Variants in MEIS1 observed in about 807,000 individuals in gnomAD.
The protein encoded by MEIS1 is Meis homeobox 1.
Under a neutral mutation model 50.8 loss-of-function variants are expected in MEIS1, and 5 were observed. That is an observed-to-expected ratio of 0.10 (90% CI 0.05 to 0.21). The LOEUF is 0.21. MEIS1 is among the 10% of genes least tolerant of loss of function. The probability of loss-of-function intolerance (pLI) is 1.00; values close to 1 mark genes in which losing one functional copy is unlikely to be tolerated. For missense variants in MEIS1, 318 were observed against 517.3 expected (o/e 0.61, Z 3.74); for synonymous variants, 176 against 179.3 (o/e 0.98, Z 0.15).
At chr2:66,495,511 A>C (rs1332137284) in intron 7 of MEIS1, among the ~76,000 whole-genome samples, 1 of 152,208 alleles carries the variant, frequency 6.6e-6, no homozygotes, top group Non-Finnish European at 1.5e-5. Flanking sequence ...TTTCTGGAAG[A>C]AAGAGTTCTT....
intron 9 of MEIS1, among the ~76,000 whole-genome samples, chr2:66,565,530 T>A (rs928900437): frequency 6.6e-6 from 1 of 152,102 alleles, no homozygotes; most frequent in Non-Finnish European, 1.5e-5. Flanking sequence ...GGGAGGAGGG[T>A]GCTTGCTACC....
intron 7 of MEIS1, among the ~76,000 whole-genome samples, chr2:66,473,396 AAATATATAT>A (rs1381663666): frequency 1.4e-5 from 2 of 138,326 alleles, no homozygotes; most frequent in Non-Finnish European, 3.0e-5. Flanking sequence ...AAAAAAAAAA[AAATATATAT>A]ATATATATAT....
At chr2:66,550,668 T>G (rs1674897984) in intron 9 of MEIS1, among the ~76,000 whole-genome samples, 1 of 152,030 alleles carries the variant, frequency 6.6e-6, no homozygotes, top group African/African-American at 2.4e-5. Flanking sequence ...AGTTAATTTT[T>G]TTTTCTTTTG....
At chr2:66,454,247 G>T (rs563141281) in intron 6 of MEIS1, among the ~76,000 whole-genome samples, 1 of 152,002 alleles carries the variant, frequency 6.6e-6, no homozygotes, top group Non-Finnish European at 1.5e-5. Context: ...CAGGAATTGG[G>T]TTTATGGAGG....
intron 8 of MEIS1, among the ~76,000 whole-genome samples, chr2:66,520,319 A>T (rs1050419350): frequency 1.6e-4 from 4 of 25,482 alleles, no homozygotes; most frequent in African/African-American, 3.1e-4. Context: ...CTAAAAATAA[A>T]AAAAAAAAAA....
intron 6 of MEIS1, 87 bp from the exon 7 acceptor site, chr2:66,464,022 C>G (rs1424014466): frequency 2.1e-6 from 2 of 946,180 alleles, no homozygotes; most frequent in Non-Finnish European, 3.3e-6. Flanking sequence ...CTCCAGCCCT[C>G]CATGGCTTTG....
intron 7 of MEIS1, among the ~76,000 whole-genome samples, chr2:66,510,577 C>T (rs1004273553): frequency 2.0e-5 from 3 of 151,834 alleles, no homozygotes; most frequent in African/African-American, 7.2e-5. Context: ...AAAAGTTTTG[C>T]AAAAGTTTTG....
chr2:66,441,062 T>G, intron 4 of MEIS1: 1 of 333,562 alleles, frequency 3.0e-6, no homozygotes, highest in Non-Finnish European at 5.4e-6. Flanking sequence ...TGAGGGCCAT[T>G]TGGAATATTT....
chr2:66,525,648 A>C (rs774179816), intron 8 of MEIS1, among the ~76,000 whole-genome samples: 1 of 152,236 alleles, frequency 6.6e-6, no homozygotes, highest in Non-Finnish European at 1.5e-5. Context: ...GTACTCTGAA[A>C]GCTTCTGATA....
chr2:66,447,493 A>G (rs1672181049), intron 6 of MEIS1, among the ~76,000 whole-genome samples: 1 of 152,212 alleles, frequency 6.6e-6, no homozygotes, highest in South Asian at 2.1e-4. Flanking sequence ...ATGATTAAAT[A>G]ATAAGGTGTT....
intron 9 of MEIS1, among the ~76,000 whole-genome samples, chr2:66,564,238 C>T (rs1455834822): frequency 1.3e-5 from 2 of 152,026 alleles, no homozygotes; most frequent in African/African-American, 4.8e-5. Flanking sequence ...TTAAAGGTTT[C>T]CCCCTTTGAT....
At chr2:66,496,805 C>T (rs556228535) in intron 7 of MEIS1, among the ~76,000 whole-genome samples, 121 of 152,148 alleles carry the variant, frequency 8.0e-4, no homozygotes, top group Non-Finnish European at 1.5e-3. Flanking sequence ...CACTCGGGAA[C>T]GTTCTCGTTT....
intron 9 of MEIS1, among the ~76,000 whole-genome samples, chr2:66,552,055 A>ACG (rs1674934899): frequency 6.6e-6 from 1 of 151,968 alleles, no homozygotes; most frequent in Non-Finnish European, 1.5e-5. Context: ...ACACACACAC[A>ACG]CAATCAATAC....
At chr2:66,436,681 C>T (rs1324061791) in intron 1 of MEIS1, among the ~76,000 whole-genome samples, 1 of 152,178 alleles carries the variant, frequency 6.6e-6, no homozygotes, top group Non-Finnish European at 1.5e-5. Flanking sequence ...CAAATGTCAG[C>T]GTTCTTCCAA....
At chr2:66,508,414 G>A (rs1464623877) in intron 7 of MEIS1, among the ~76,000 whole-genome samples, 1 of 152,210 alleles carries the variant, frequency 6.6e-6, no homozygotes, top group Admixed American at 6.5e-5. Flanking sequence ...TAATGCCCGA[G>A]CCTGTGCCTA....
intron 7 of MEIS1, among the ~76,000 whole-genome samples, chr2:66,508,029 A>G (rs1398736012): frequency 6.6e-6 from 1 of 152,246 alleles, no homozygotes; most frequent in Non-Finnish European, 1.5e-5. Context: ...AAAATTTTGT[A>G]AAAACAATTC....
chr2:66,549,312 A>G (rs1256441478), intron 9 of MEIS1, among the ~76,000 whole-genome samples: 7 of 151,986 alleles, frequency 4.6e-5, no homozygotes, highest in African/African-American at 1.7e-4. Context: ...TGAGAGATCA[A>G]TTTTTGCAGC....
At chr2:66,497,703 C>A (rs1430931012) in intron 7 of MEIS1, among the ~76,000 whole-genome samples, 1 of 152,090 alleles carries the variant, frequency 6.6e-6, no homozygotes, top group Non-Finnish European at 1.5e-5. Flanking sequence ...GAGAGCAGCC[C>A]AGGCAACATG....
intron 9 of MEIS1, among the ~76,000 whole-genome samples, chr2:66,555,254 TTCTC>T (rs776470607): frequency 5.6e-5 from 2 of 35,458 alleles, no homozygotes; most frequent in Non-Finnish European, 6.1e-5. Flanking sequence ...TGTGTACGTG[TTCTC>T]TCTCTCTCTC....
Sources: gnomAD v4.1 joint callset for allele counts (sites outside exome capture counted in the v4.1 genomes callset) on GRCh38, gnomAD v4.1.1 for gene constraint, MANE v1.5 for transcripts, NCBI Gene and HGNC (gene_info 2026-07-23, HGNC 2026-07-21) for gene names.